TMEM108: variants seen among roughly 807,000 people sequenced by gnomAD.
The protein encoded by TMEM108 is cancer/testis antigen 124.
Under a neutral mutation model 35.1 loss-of-function variants are expected in TMEM108, and 12 were observed. The observed-to-expected ratio is 0.34, with a 90% confidence interval of 0.22 to 0.55. TMEM108 has a LOEUF of 0.55. Ranked by LOEUF, TMEM108 falls within the 20% of genes least tolerant of loss-of-function variation. The pLI is 0.89. For synonymous variants in TMEM108, 287 were observed against 308.6 expected, an observed-to-expected ratio of 0.93 and a Z score of 0.73; for missense variants, 680 against 753.3, an observed-to-expected ratio of 0.90 and a Z score of 1.14.
intron 2 of TMEM108, among the ~76,000 whole-genome samples, chr3:133,184,476 G>T (rs1051109057): frequency 6.6e-6 from 1 of 152,032 alleles, no homozygotes; most frequent in Non-Finnish European, 1.5e-5. Flanking sequence ...TAAGATACTT[G>T]CGAAGAAATT....
intron 2 of TMEM108, among the ~76,000 whole-genome samples, chr3:133,206,794 A>T (rs1945761719): frequency 6.6e-6 from 1 of 152,176 alleles, no homozygotes; most frequent in Middle Eastern, 3.2e-3. Flanking sequence ...GACCCATTTG[A>T]GGAGGCAGTC....
intron 3 of TMEM108, among the ~76,000 whole-genome samples, chr3:133,301,719 C>G (rs1305027892): frequency 6.6e-6 from 1 of 152,160 alleles, no homozygotes; most frequent in Admixed American, 6.5e-5. Context: ...ATACTCTCTG[C>G]AAGCCTGTAC....
At chr3:133,270,829 T>TCACACA in intron 3 of TMEM108, among the ~76,000 whole-genome samples, 1 of 147,218 alleles carries the variant, frequency 6.8e-6, no homozygotes, top group South Asian at 2.2e-4. Context: ...ACTCACACAC[T>TCACACA]CACACACACA....
At chr3:133,227,119 C>T (rs901705338) in intron 2 of TMEM108, among the ~76,000 whole-genome samples, 8 of 150,470 alleles carry the variant, frequency 5.3e-5, no homozygotes, top group Non-Finnish European at 8.9e-5. Context: ...TGGGTGGGGA[C>T]ATGGCCAAAC....
At chr3:133,072,887 C>T (rs960678237) in intron 2 of TMEM108, among the ~76,000 whole-genome samples, 2 of 152,082 alleles carry the variant, frequency 1.3e-5, no homozygotes, top group Non-Finnish European at 2.9e-5. Flanking sequence ...TGGACAATTC[C>T]TATAAATGGA....
intron 2 of TMEM108, among the ~76,000 whole-genome samples, chr3:133,223,241 C>T (rs915849163): frequency 6.6e-6 from 1 of 152,168 alleles, no homozygotes; most frequent in South Asian, 2.1e-4. Flanking sequence ...TTTGGGAAAG[C>T]CCTTTTTCAG....
intron 3 of TMEM108, chr3:133,303,442 G>A (rs952961705): frequency 3.7e-4 from 57 of 152,094 alleles, no homozygotes; most frequent in African/African-American, 1.4e-3. Flanking sequence ...TTCTTTTCTG[G>A]TACCTTCCTA....
intron 2 of TMEM108, among the ~76,000 whole-genome samples, chr3:133,137,331 G>A (rs761587348): frequency 2.0e-5 from 3 of 152,136 alleles, no homozygotes; most frequent in Non-Finnish European, 4.4e-5. Context: ...TCTATACCAC[G>A]CTGCCGTCAG....
rs185732704 is a variant in TMEM108, at chr3:133,393,032, C to G, written c.1605+2698C>G. Reference sequence around the variant, plus strand: ...TCTCATGCCCTTCACAAGTTGGCCCCTGCCCACCACCTGAGCCCCCACCAC... The same window carrying G: ...TCTCATGCCCTTCACAAGTTGGCCCGTGCCCACCACCTGAGCCCCCACCAC... On this transcript the variant is annotated intron_variant, in intron 5 of 5. Coordinates refer to ENST00000321871, the MANE Select transcript of TMEM108 (RefSeq NM_023943.4). Among the ~76,000 whole-genome samples the G allele has an allele frequency of 7.9e-5, 12 of 152,312 alleles. No homozygotes were observed. The East Asian group carries it at 1.2e-3, about 15-fold the overall frequency.
At chr3:133,240,197 T>C (rs1202933123) in intron 3 of TMEM108, among the ~76,000 whole-genome samples, 1 of 152,206 alleles carries the variant, frequency 6.6e-6, no homozygotes, top group Non-Finnish European at 1.5e-5. Context: ...GCAAAAGTTC[T>C]CTAGGGAGAA....
At chr3:133,254,537 C>T (rs929869740) in intron 3 of TMEM108, among the ~76,000 whole-genome samples, 1 of 151,950 alleles carries the variant, frequency 6.6e-6, no homozygotes, top group African/African-American at 2.4e-5. Context: ...TAACGTCAGT[C>T]GAATATGTGA....
intron 3 of TMEM108, among the ~76,000 whole-genome samples, chr3:133,348,450 C>T (rs1041303647): frequency 6.6e-6 from 1 of 152,066 alleles, no homozygotes; most frequent in Non-Finnish European, 1.5e-5. Flanking sequence ...GGGGAGAAGT[C>T]TTAGTATAGG....
rs189578872 is a variant in TMEM108 at position 133,195,382 on chromosome 3, T to C, written c.-46-33884T>C. On this transcript the variant is annotated intron_variant, in intron 2 of 5. Coordinates refer to ENST00000321871, the MANE Select transcript of TMEM108 (RefSeq NM_023943.4). ...CTTTTTTTCTATCATATTTATTGCT[T>C]TTCTCTTCCAAACATTCTTCTTGAC... Among the ~76,000 whole-genome samples, 66 of 152,270 alleles carry C rather than the reference T, an allele frequency of 4.3e-4. No homozygotes were observed. In the South Asian group the frequency reaches 0.013, roughly 30 times the overall value.
chr3:133,081,979 T>C (rs1048618121), intron 2 of TMEM108, among the ~76,000 whole-genome samples: 7 of 152,212 alleles, frequency 4.6e-5, no homozygotes, highest in Non-Finnish European at 1.5e-5. Context: ...TAGTAGAGCA[T>C]GACCTCAGCT....
intron 3 of TMEM108, among the ~76,000 whole-genome samples, chr3:133,280,356 G>A (rs1447550381): frequency 6.6e-6 from 1 of 152,174 alleles, no homozygotes; most frequent in East Asian, 1.9e-4. Context: ...TTGATTAATG[G>A]CATGCTCTAT....
At chr3:133,387,301 T>C in intron 4 of TMEM108, 2 of 985,446 alleles carry the variant, frequency 2.0e-6, no homozygotes, top group Non-Finnish European at 1.2e-6. Context: ...GTGGAATACA[T>C]GGCAGAGTCA....
At chr3:133,089,734 T>C (rs376803836) in intron 2 of TMEM108, among the ~76,000 whole-genome samples, 8 of 152,226 alleles carry the variant, frequency 5.3e-5, no homozygotes, top group African/African-American at 1.9e-4. Context: ...TGTTTTCTGA[T>C]TCTTAGGAAA....
intron 3 of TMEM108, among the ~76,000 whole-genome samples, chr3:133,278,547 T>A (rs568215290): frequency 6.6e-6 from 1 of 152,374 alleles, no homozygotes; most frequent in South Asian, 2.1e-4. Context: ...CTCTATGGAA[T>A]AGCCTATTGC....
At chr3:133,376,366 G>A (rs896861839) in intron 3 of TMEM108, among the ~76,000 whole-genome samples, 1 of 152,206 alleles carries the variant, frequency 6.6e-6, no homozygotes, top group Non-Finnish European at 1.5e-5. Flanking sequence ...GCTTCCAAAA[G>A]ACTGCTGTGT....
Sources: allele counts gnomAD v4.1 joint callset (sites outside exome capture counted in the v4.1 genomes callset), GRCh38; gene constraint gnomAD v4.1.1; transcripts MANE v1.5; gene names NCBI Gene and HGNC (gene_info 2026-07-23, HGNC 2026-07-21).